VWF: variants seen among roughly 807,000 people sequenced by gnomAD.
The protein encoded by VWF is von Willebrand factor.
In VWF, 176 loss-of-function variants were observed where a neutral mutation model predicts 308.6. The ratio of observed to expected loss-of-function variants is 0.57; its 90% CI spans 0.50 to 0.65. The LOEUF is 0.65. Ranked by LOEUF, VWF falls within the 30% of genes least tolerant of loss-of-function variation. VWF has a pLI of 0.00. For synonymous variants in VWF, 1,385 were observed against 1,443.4 expected (o/e 0.96, Z 0.92); for missense variants, 3,146 against 3,648.2 (o/e 0.86, Z 3.55).
chr12:6,077,882 G>C (rs537938133), intron 6 of VWF, among the ~76,000 whole-genome samples: 1 of 152,188 alleles, frequency 6.6e-6, no homozygotes, highest in Non-Finnish European at 1.5e-5. Context: ...CCCAGATTCA[G>C]CCCAGCGTCT....
At chr12:5,967,893 A>G (rs574360789) in intron 46 of VWF, among the ~76,000 whole-genome samples, 29 of 152,338 alleles carry the variant, frequency 1.9e-4, no homozygotes, top group African/African-American at 6.5e-4. Context: ...AGAAATGCAC[A>G]GGTGCCTGAG....
chr12:5,964,230 A>ACATACATACATGCATGCATG (rs1943360520), intron 47 of VWF, among the ~76,000 whole-genome samples: 17 of 140,412 alleles, frequency 1.2e-4, no homozygotes, highest in African/African-American at 4.6e-4. Flanking sequence ...ATACATACAT[A>ACATACATACATGCATGCATG]CATACATACA....
chr12:5,984,992 C>G, intron 40 of VWF, 53 bp downstream of exon 40: 1 of 1,581,100 alleles, frequency 6.3e-7, no homozygotes, highest in East Asian at 2.2e-5. Context: ...CAACGTGGTG[C>G]CCCCTGGGGC....
rs1565842522 is a variant in VWF at position 6,046,652 on chromosome 12, T to G, written c.2281+71A>C. ...CATCTGACGGTGTCACCCAGCTCTCTCCCGCCATTCCACACGTGAGGAATC... is the reference window on the plus strand; with the variant it reads ...CATCTGACGGTGTCACCCAGCTCTCGCCCGCCATTCCACACGTGAGGAATC... On this transcript the variant is annotated intron_variant, in intron 17 of 51. Transcript: ENST00000261405. The surrounding 1 kb of genome is among the most constrained non-coding windows in gnomAD (Gnocchi z 5.0). 9.6e-6 allele frequency: 14 copies of G among 1,457,298 alleles called. No homozygotes were observed. Among genetic ancestry groups the G allele is most frequent in the East Asian group, 2.3e-5 (1 of 44,156 alleles). The allele number at this position is 1,457,298 out of a possible 1,614,324, so 90.3% of individuals were successfully genotyped here. A position where few individuals can be genotyped will look rare whatever the true frequency, so the allele number is the denominator to read the frequency against.
chr12:6,018,561 C>A lies in VWF; in HGVS notation c.4857G>T (p.Leu1619=), dbSNP rs779585816. ...TGGGCACCACCTGGATGTCTCCAGGCAGCCTCTTGATCTCATCAGAGGCAG... is the reference window on the plus strand; with the variant it reads ...TGGGCACCACCTGGATGTCTCCAGGAAGCCTCTTGATCTCATCAGAGGCAG... ...GNPASDEIKR[L]PGDIQVVPIG... Residue 1619 remains leucine, a synonymous_variant, in exon 28 of 52, where the codon CTG becomes CTT. Transcript: ENST00000261405. 1 of 1,614,046 alleles carries A rather than the reference C, an allele frequency of 6.2e-7. No individual in the cohort carries two copies.
At position 5,989,379 on chromosome 12, in the gene VWF, T is replaced by C. The variant is rs570380099; in HGVS notation, c.6798+2440A>G. Among the ~76,000 whole-genome samples the C allele has an allele frequency of 2.6e-5, 4 of 152,384 alleles. No homozygotes were observed. In the East Asian group the frequency reaches 7.7e-4, roughly 29 times the overall value. ...TTCAGTTTAAAAAAAAAAGTTTCTT[T>C]AATGGAAATGTTCTTCACATTAGGT... is the stretch of plus-strand genomic sequence containing the variant. On this transcript the variant is annotated intron_variant, in intron 38 of 51. Coordinates refer to ENST00000261405, the MANE Select transcript of VWF (RefSeq NM_000552.5).
intron 6 of VWF, among the ~76,000 whole-genome samples, chr12:6,080,365 T>C (rs868629799): frequency 1.3e-5 from 2 of 152,236 alleles, no homozygotes; most frequent in Admixed American, 6.5e-5. Context: ...GAACCGGGTG[T>C]TTCCATGGGG....
In VWF at chr12:5,964,082, C is replaced by T. The variant is rs552300463; in HGVS notation, c.7887+3404G>A. On this transcript the variant is annotated intron_variant, in intron 47 of 51. Transcript: ENST00000261405. ...AAAGAAAAAAATTAGCTGGGCATGG[C>T]GGTGGGCGCCTGTAGTCCCAGCTAC... 4.6e-3 allele frequency among the ~76,000 whole-genome samples: 692 copies of T among 151,958 alleles called. 5 individuals carry two copies. Among genetic ancestry groups the T allele is most frequent in the African/African-American group, 0.015 (610 of 41,482 alleles).
chr12:5,989,878 A>G (rs1943718850), intron 38 of VWF, among the ~76,000 whole-genome samples: 2 of 152,210 alleles, frequency 1.3e-5, no homozygotes, highest in South Asian at 4.1e-4. Flanking sequence ...TTTTGCCACT[A>G]CTAGTAAAAC....
rs1168682360 is a variant in VWF, at chr12:6,052,580, GGAA to G, written c.2146_2148del (p.Phe716del). ...TGGTCTGAGAAGATGTCTTCTGGCT[GGAA>G]GATCTCACCGTCATAGTAACAGGGG... On this transcript the variant is annotated inframe_deletion, in exon 16 of 52. Transcript: ENST00000261405. 6.2e-7 allele frequency: 1 copy of G among 1,614,144 alleles called. No individual in the cohort carries two copies. The highest frequency in any genetic ancestry group is 1.7e-5 in the Admixed American group (1 of 60,012).
intron 7 of VWF, among the ~76,000 whole-genome samples, 160 bp from the exon 8 acceptor site, chr12:6,073,901 CT>C (rs1944810347): frequency 6.6e-6 from 1 of 152,132 alleles, no homozygotes; most frequent in Non-Finnish European, 1.5e-5. Flanking sequence ...ACGTGCCCCC[CT>C]GAGGCCACCC....
intron 5 of VWF, among the ~76,000 whole-genome samples, chr12:6,109,928 G>A (rs953848960): frequency 1.3e-5 from 2 of 152,302 alleles, no homozygotes; most frequent in African/African-American, 4.8e-5. Flanking sequence ...GGGATTACAG[G>A]GGTAAGCCAC....
rs1195416255 is a variant in VWF, at chr12:6,046,453, G to A, written c.2281+270C>T. 6.6e-6 allele frequency among the ~76,000 whole-genome samples: 1 copy of A among 152,188 alleles called. No individual in the cohort carries two copies. Reference sequence around the variant, plus strand: ...TAAGGTCTCCACGGGCAAAATAGGGGTCTCATAGAATTTATCTGCAGGTCT... The same window carrying A: ...TAAGGTCTCCACGGGCAAAATAGGGATCTCATAGAATTTATCTGCAGGTCT... On this transcript the variant is annotated intron_variant, in intron 17 of 51. Transcript: ENST00000261405. The surrounding 1 kb of genome is among the most constrained non-coding windows in gnomAD (Gnocchi z 5.0).
chr12:6,035,576 T>G (rs1944326788), intron 19 of VWF, among the ~76,000 whole-genome samples: 1 of 152,094 alleles, frequency 6.6e-6, no homozygotes, highest in African/African-American at 2.4e-5. Context: ...AGGGGTTACG[T>G]GCAGGATGGC....
At chr12:6,097,756 G>A (rs1945120585) in intron 5 of VWF, among the ~76,000 whole-genome samples, 1 of 152,192 alleles carries the variant, frequency 6.6e-6, no homozygotes, top group Admixed American at 6.5e-5. Flanking sequence ...ACTGATACAT[G>A]GGAGAAGCCA....
intron 6 of VWF, among the ~76,000 whole-genome samples, chr12:6,081,040 G>A (rs1339796476): frequency 1.3e-5 from 2 of 152,168 alleles, no homozygotes; most frequent in Non-Finnish European, 2.9e-5. Flanking sequence ...GGGGGCTATT[G>A]GCTCATAGAG....
chr12:6,115,971 AG>A (rs1274051746), intron 3 of VWF, among the ~76,000 whole-genome samples: 3 of 152,206 alleles, frequency 2.0e-5, no homozygotes, highest in African/African-American at 7.2e-5. Flanking sequence ...GCTGCGTAAC[AG>A]GGCATCGGAG....
chr12:6,023,682 C>T lies in VWF; in HGVS notation c.3328G>A (p.Val1110Met), dbSNP rs763577959. The T allele has an allele frequency of 2.0e-5, 32 of 1,613,792 alleles. No homozygotes were observed. In the Middle Eastern group the frequency reaches 1.8e-3, roughly 91 times the overall value. ...FCDTIAAYAH[V>M]CAQHGKVVTW... ...ACCACCTTGCCATGCTGGGCACACA[C>T]GTGGGCATAGGCAGCAATGGTGTCG... The change falls in exon 25 of 52, where the codon GTG (valine) becomes ATG (methionine). Residue 1110 changes from valine to methionine, a missense_variant. Physicochemically the swap from Val to Met is conservative, Grantham distance 21. Transcript: ENST00000261405.
Position 5,957,264 on chromosome 12 carries a change from G to A in VWF, c.7888-3670C>T, listed in dbSNP as rs568663781. Among the ~76,000 whole-genome samples, 3 of 152,250 alleles carry A rather than the reference G, an allele frequency of 2.0e-5. No individual in the cohort carries two copies. The East Asian group carries it at 5.8e-4, about 29-fold the overall frequency. On this transcript the variant is annotated intron_variant, in intron 47 of 51. Coordinates refer to ENST00000261405, the MANE Select transcript of VWF (RefSeq NM_000552.5). ...TGCACAACAAAAATCACCTAACGATGCATTTCTTAGAACATATCCCCATTG... is the reference window on the plus strand; with the variant it reads ...TGCACAACAAAAATCACCTAACGATACATTTCTTAGAACATATCCCCATTG...
Sources: gnomAD v4.1 joint callset for allele counts (sites outside exome capture counted in the v4.1 genomes callset) on GRCh38, gnomAD v4.1.1 for gene constraint, Gnocchi (gnomAD v3.1) non-coding constraint, MANE v1.5 for transcripts, NCBI Gene and HGNC (gene_info 2026-07-23, HGNC 2026-07-21) for gene names.